DACH2: variants seen among roughly 807,000 people sequenced by gnomAD.
DACH2 encodes dachshund family transcription factor 2.
Under a neutral mutation model 35.8 loss-of-function variants are expected in DACH2, and 17 were observed. The observed-to-expected ratio is 0.48, with a 90% CI of 0.33 to 0.71. The LOEUF (loss-of-function observed/expected upper bound fraction) is 0.71. DACH2 is among the 30% of genes least tolerant of loss of function. The pLI, the probability that DACH2 is intolerant of heterozygous loss-of-function variation, is 0.02. For missense variants in DACH2, 469 were observed against 472.7 expected (o/e 0.99, Z 0.07); for synonymous variants, 195 against 177.3 (o/e 1.10, Z -0.79).
chrX:86,573,051 C>CT (rs758758390), intron 3 of DACH2, among the ~76,000 whole-genome samples: 6 of 110,960 alleles, frequency 5.4e-5, no homozygotes, highest in Non-Finnish European at 9.4e-5. Flanking sequence ...GCATTTATCT[C>CT]TGCATTTTCA....
intron 2 of DACH2, among the ~76,000 whole-genome samples, chrX:86,474,658 T>C (rs1007910418): frequency 2.3e-4 from 26 of 112,421 alleles, no homozygotes; most frequent in African/African-American, 7.7e-4. Context: ...TGGAAATGAG[T>C]TCACTGTGTG....
chrX:86,259,844 A>G (rs1347338260), intron 1 of DACH2, among the ~76,000 whole-genome samples: 1 of 111,812 alleles, frequency 8.9e-6, no homozygotes, highest in Admixed American at 9.5e-5. Flanking sequence ...AGGTGCCGTC[A>G]TATTTTAAAA....
At chrX:86,422,703 T>C (rs2036825252) in intron 2 of DACH2, among the ~76,000 whole-genome samples, 1 of 111,252 alleles carries the variant, frequency 9.0e-6, no homozygotes, top group Non-Finnish European at 1.9e-5. Flanking sequence ...TATTTTAAAA[T>C]GTACAATAAG....
At chrX:86,310,698 A>C (rs186694125) in intron 1 of DACH2, among the ~76,000 whole-genome samples, 66 of 111,552 alleles carry the variant, frequency 5.9e-4, no homozygotes, top group African/African-American at 2.1e-3. Context: ...AGGGACTTGC[A>C]AAAAGTATGA....
At chrX:86,565,947 T>C (rs1453330773) in intron 3 of DACH2, among the ~76,000 whole-genome samples, 1 of 112,049 alleles carries the variant, frequency 8.9e-6, no homozygotes, top group Non-Finnish European at 1.9e-5. Context: ...AAAAAACATT[T>C]AGACTATGTT....
At chrX:86,549,458 T>A (rs1378843483) in intron 3 of DACH2, among the ~76,000 whole-genome samples, 3 of 111,414 alleles carry the variant, frequency 2.7e-5, no homozygotes, top group Non-Finnish European at 5.7e-5. Flanking sequence ...AAACATGGAA[T>A]ATTTAAAATC....
intron 1 of DACH2, among the ~76,000 whole-genome samples, chrX:86,238,790 G>C (rs1416803948): frequency 9.0e-6 from 1 of 111,354 alleles, no homozygotes; most frequent in African/African-American, 3.3e-5. Flanking sequence ...TTTGATATCA[G>C]TTGTATGCTT....
At chrX:86,242,150 G>T in intron 1 of DACH2, among the ~76,000 whole-genome samples, 1 of 112,263 alleles carries the variant, frequency 8.9e-6, no homozygotes, top group East Asian at 2.8e-4. Flanking sequence ...CCCCAGAATT[G>T]TAGGTCCACT....
chrX:86,577,784 T>G (rs1432092833), intron 3 of DACH2, among the ~76,000 whole-genome samples: 1 of 111,312 alleles, frequency 9.0e-6, no homozygotes, highest in African/African-American at 3.3e-5. Context: ...TAATCAATCA[T>G]GCCCACCTAA....
At chrX:86,719,730 A>T (rs66525108) in intron 6 of DACH2, among the ~76,000 whole-genome samples, 9,742 of 108,461 alleles carry the variant, frequency 0.09, 467 homozygotes, top group East Asian at 0.27. Flanking sequence ...CATGGAGGAA[A>T]CCACTCCCAT....
chrX:86,761,285 A>G (rs1363087622), intron 7 of DACH2, among the ~76,000 whole-genome samples: 2 of 111,121 alleles, frequency 1.8e-5, no homozygotes, highest in East Asian at 5.7e-4. Flanking sequence ...ATGAGTGAGA[A>G]CATGCGGTGT....
intron 2 of DACH2, among the ~76,000 whole-genome samples, chrX:86,443,994 G>A (rs1041297822): frequency 9.0e-6 from 1 of 111,575 alleles, no homozygotes; most frequent in African/African-American, 3.3e-5. Flanking sequence ...TGGTATTATG[G>A]TAATGCTGAC....
intron 2 of DACH2, among the ~76,000 whole-genome samples, chrX:86,449,710 G>T (rs2037334562): frequency 1.8e-5 from 2 of 110,891 alleles, no homozygotes; most frequent in African/African-American, 6.5e-5. Context: ...ACATCTTACA[G>T]ATATACCAGG....
intron 3 of DACH2, among the ~76,000 whole-genome samples, chrX:86,633,206 C>T (rs1191644613): frequency 9.0e-6 from 1 of 110,556 alleles, no homozygotes; most frequent in Non-Finnish European, 1.9e-5. Context: ...GGATAAAGCT[C>T]TAGTTGGACA....
At chrX:86,184,392 A>G (rs242863) in intron 1 of DACH2, 7,471 of 129,412 alleles carry the variant, frequency 0.058, 625 homozygotes, top group African/African-American at 0.23. Context: ...ATTTTTTGGT[A>G]GAGACAGGGT....
intron 1 of DACH2, among the ~76,000 whole-genome samples, chrX:86,316,805 C>A (rs976047274): frequency 9.0e-6 from 1 of 110,728 alleles, no homozygotes; most frequent in Non-Finnish European, 1.9e-5. Flanking sequence ...GAAGAGATAA[C>A]CTTTACAAGG....
intron 5 of DACH2, among the ~76,000 whole-genome samples, chrX:86,701,496 G>C (rs771834103): frequency 9.0e-6 from 1 of 111,658 alleles, no homozygotes; most frequent in East Asian, 2.8e-4. Flanking sequence ...ACATAGTACT[G>C]GAAGTCCTGG....
intron 2 of DACH2, among the ~76,000 whole-genome samples, chrX:86,513,523 G>A (rs999698668): frequency 8.9e-6 from 1 of 111,831 alleles, no homozygotes; most frequent in Non-Finnish European, 1.9e-5. Flanking sequence ...TTCATTATTA[G>A]CATTTGCAAT....
chrX:86,399,364 G>A (rs1454035084), intron 2 of DACH2, among the ~76,000 whole-genome samples: 2 of 111,664 alleles, frequency 1.8e-5, no homozygotes, highest in Admixed American at 1.9e-4. Flanking sequence ...TTTAATTGGA[G>A]CATTTAGCCC....
Sources: gnomAD v4.1 joint callset for allele counts (sites outside exome capture counted in the v4.1 genomes callset) on GRCh38, gnomAD v4.1.1 for gene constraint, MANE v1.5 for transcripts, NCBI Gene and HGNC (gene_info 2026-07-23, HGNC 2026-07-21) for gene names.